PSMD9: variants seen among roughly 807,000 people sequenced by gnomAD.
PSMD9 encodes the protein proteasome 26S subunit, non-ATPase 9.
In PSMD9, 26 loss-of-function variants were observed where a neutral mutation model predicts 25.9. That is an observed-to-expected ratio of 1.00 (90% CI 0.73 to 1.39). The LOEUF is 1.39. Among genes scored for constraint, PSMD9 ranks in the 40% most tolerant of loss-of-function variants. The pLI is 0.00. For missense variants in PSMD9, 303 were observed against 299.3 expected, an observed-to-expected ratio of 1.01 and a Z score of -0.09; for synonymous variants, 110 against 114.5, an observed-to-expected ratio of 0.96 and a Z score of 0.25.
intron 3 of PSMD9, 100 bp from the exon 4 acceptor site, chr12:121,902,906 A>G (rs1309203862): frequency 2.1e-6 from 2 of 942,686 alleles, no homozygotes; most frequent in Admixed American, 1.9e-5. Context: ...GTAGAAAACA[A>G]GCTCGTGACC....
intron 2 of PSMD9, among the ~76,000 whole-genome samples, chr12:121,896,635 G>A (rs1879237438): frequency 1.3e-5 from 2 of 151,862 alleles, no homozygotes; most frequent in African/African-American, 2.4e-5. Flanking sequence ...TCGGGAGTTC[G>A]AGACCAGCCT....
chr12:121,900,511 C>T (rs1018874962), intron 3 of PSMD9, among the ~76,000 whole-genome samples: 6 of 150,710 alleles, frequency 4.0e-5, no homozygotes, highest in Non-Finnish European at 5.9e-5. Context: ...GCCAACATGG[C>T]GAAACCCCGT....
At chr12:121,903,670 T>C (rs982674137) in intron 4 of PSMD9, among the ~76,000 whole-genome samples, 1 of 151,978 alleles carries the variant, frequency 6.6e-6, no homozygotes, top group Non-Finnish European at 1.5e-5. Flanking sequence ...GCAGGGGGCC[T>C]TTCCTGGCTA....
chr12:121,895,162 C>T (rs1012874475), intron 2 of PSMD9, among the ~76,000 whole-genome samples: 63 of 152,146 alleles, frequency 4.1e-4, no homozygotes, highest in African/African-American at 1.5e-3. Context: ...CCTTCTGCCT[C>T]AGCCTCCCAA....
intron 4 of PSMD9, chr12:121,908,112 A>T (rs1426149897): frequency 6.6e-6 from 1 of 152,160 alleles, no homozygotes; most frequent in African/African-American, 2.4e-5. Flanking sequence ...CTAGTGTTAT[A>T]GCTCTAAGAA....
intron 4 of PSMD9, among the ~76,000 whole-genome samples, chr12:121,905,890 A>G (rs868124821): frequency 2.0e-4 from 30 of 151,920 alleles, no homozygotes; most frequent in African/African-American, 6.3e-4. Flanking sequence ...ATGAAGGTCA[A>G]GAGCATTCCA....
chr12:121,901,666 CTTTTTTTTTTTTTTTTT>C (rs563939839), intron 3 of PSMD9, among the ~76,000 whole-genome samples: 1 of 93,610 alleles, frequency 1.1e-5, no homozygotes, highest in Admixed American at 1.2e-4. Flanking sequence ...TTCATTCCTT[CTTTTTTTTTTTTTTTTT>C]TTTTTTTTTT....
rs1361343811 is a variant in PSMD9, at chr12:121,890,540, TC to T, written c.138+1547del. On this transcript the variant is annotated intron_variant, in intron 1 of 5. Coordinates refer to ENST00000541212, the MANE Select transcript of PSMD9 (RefSeq NM_002813.7). The stretch of plus-strand genomic sequence containing the variant: ...TGGAGTTCAGTGGCACCATCTTGGT[TC>T]ACTGCAGCCTCAATCTCCTGGTGTC... Among the ~76,000 whole-genome samples, 5 of 152,138 alleles carry T rather than the reference TC, an allele frequency of 3.3e-5. No homozygotes were observed. The East Asian group carries it at 7.7e-4, about 23-fold the overall frequency.
chr12:121,902,812 C>T, intron 3 of PSMD9, 194 bp from the exon 4 acceptor site: 1 of 532,282 alleles, frequency 1.9e-6, no homozygotes, highest in Admixed American at 3.0e-5. Flanking sequence ...CAAAGGAACC[C>T]CAGGAGGAGG....
At chr12:121,914,367 T>G (rs1045369752) in intron 4 of PSMD9, 1 of 150,960 alleles carries the variant, frequency 6.6e-6, no homozygotes, top group African/African-American at 2.4e-5. Context: ...CTGGCCAACA[T>G]GGCGAAACCC....
chr12:121,913,292 G>A (rs1351428088), intron 4 of PSMD9, among the ~76,000 whole-genome samples: 2 of 151,798 alleles, frequency 1.3e-5, no homozygotes, highest in African/African-American at 2.4e-5. Flanking sequence ...TGTTAGCCAG[G>A]ATGGTCTTGA....
rs1253583982 is a variant in PSMD9 at position 121,917,711 on chromosome 12, A to G, written c.*1400A>G. The G allele has an allele frequency of 6.6e-6, 1 of 152,148 alleles. No individual in the cohort carries two copies. The highest frequency in any genetic ancestry group is 1.5e-5 in the Non-Finnish European group (1 of 68,042). 9.4% of individuals were successfully genotyped at this position (152,148 alleles called of 1,614,324 possible). A position where few individuals can be genotyped will look rare whatever the true frequency, so the allele number is the denominator to read the frequency against. On this transcript the variant is annotated 3_prime_UTR_variant, in exon 6 of 6. Transcript: ENST00000541212. The stretch of plus-strand genomic sequence containing the variant: ...TATTGGGCGAATTCCCTCAAACTCT[A>G]TTTGACCTGACAGCCATACGTATTC...
chr12:121,890,441 C>A (rs892061062), intron 1 of PSMD9, among the ~76,000 whole-genome samples: 4 of 152,026 alleles, frequency 2.6e-5, no homozygotes, highest in Non-Finnish European at 5.9e-5. Flanking sequence ...AATAGATCTA[C>A]TTTTAATCTT....
chr12:121,915,723 G>A (rs1047838721), intron 4 of PSMD9, 133 bp from the exon 5 acceptor site: 5 of 809,384 alleles, frequency 6.2e-6, no homozygotes, highest in African/African-American at 3.4e-5. Flanking sequence ...CCACCCTCTC[G>A]CCAACCACAG....
At chr12:121,913,157 G>A (rs566648286) in intron 4 of PSMD9, among the ~76,000 whole-genome samples, 74 of 152,106 alleles carry the variant, frequency 4.9e-4, no homozygotes, top group African/African-American at 1.5e-3. Context: ...TGTTAGCCAC[G>A]ATGGTGTCAA....
chr12:121,913,840 T>G (rs941978161), intron 4 of PSMD9, among the ~76,000 whole-genome samples: 1 of 152,130 alleles, frequency 6.6e-6, no homozygotes, highest in African/African-American at 2.4e-5. Context: ...CTTTTCACTC[T>G]GTTAATAGTG....
At chr12:121,893,015 C>T (rs1177608555) in intron 1 of PSMD9, among the ~76,000 whole-genome samples, 2 of 152,132 alleles carry the variant, frequency 1.3e-5, no homozygotes, top group Non-Finnish European at 2.9e-5. Context: ...AGACCAGCAC[C>T]AAATGGACAC....
chr12:121,911,335 G>A (rs1198914637), intron 4 of PSMD9, among the ~76,000 whole-genome samples: 2 of 151,972 alleles, frequency 1.3e-5, no homozygotes, highest in Non-Finnish European at 2.9e-5. Flanking sequence ...TATAGTTTTT[G>A]TCTGGCTTAT....
At chr12:121,912,939 C>CTTTT (rs199915628) in intron 4 of PSMD9, among the ~76,000 whole-genome samples, 2 of 129,286 alleles carry the variant, frequency 1.5e-5, no homozygotes, top group Non-Finnish European at 3.3e-5. Flanking sequence ...CTTTTCTTTT[C>CTTTT]TTTTTTTTTT....
Sources: gnomAD v4.1 joint callset for allele counts (sites outside exome capture counted in the v4.1 genomes callset) on GRCh38, gnomAD v4.1.1 for gene constraint, MANE v1.5 for transcripts, NCBI Gene and HGNC (gene_info 2026-07-23, HGNC 2026-07-21) for gene names.